Variants in HDGFL3 observed in about 807,000 individuals in gnomAD.
HDGFL3 encodes HDGF like 3, also known as hepatoma-derived growth factor-related protein 3.
In HDGFL3, 6 loss-of-function variants were observed where a neutral mutation model predicts 27.6. The ratio of observed to expected loss-of-function variants is 0.22; its 90% CI spans 0.12 to 0.43. The LOEUF (loss-of-function observed/expected upper bound fraction) is 0.43, where lower values mean the gene tolerates loss of function less well. Among genes scored for constraint, HDGFL3 ranks in the 20% least tolerant of loss-of-function variants. The probability of loss-of-function intolerance (pLI) is 1.00; values close to 1 mark genes in which losing one functional copy is unlikely to be tolerated. For synonymous variants in HDGFL3, 88 were observed against 88.9 expected, an observed-to-expected ratio of 0.99 and a Z score of 0.05; for missense variants, 207 against 250.1, an observed-to-expected ratio of 0.83 and a Z score of 1.16.
At chr15:83,202,635 TATAAA>T (rs2037661739) in intron 1 of HDGFL3, among the ~76,000 whole-genome samples, 1 of 152,148 alleles carries the variant, frequency 6.6e-6, no homozygotes, top group Non-Finnish European at 1.5e-5. Context: ...CCCTAACTCA[TATAAA>T]ATGTGTTTTT....
At chr15:83,155,184 A>G (rs994176435) in intron 4 of HDGFL3, among the ~76,000 whole-genome samples, 1 of 152,244 alleles carries the variant, frequency 6.6e-6, no homozygotes, top group African/African-American at 2.4e-5. Context: ...TTAAATGATC[A>G]TGAAGTTGTA....
intron 5 of HDGFL3, among the ~76,000 whole-genome samples, chr15:83,140,531 G>C (rs1381734263): frequency 6.7e-6 from 1 of 148,780 alleles, no homozygotes; most frequent in Non-Finnish European, 1.5e-5. Flanking sequence ...ACCTAGGCTG[G>C]AGTACAGTGG....
chr15:83,205,044 G>A (rs1028233183), intron 1 of HDGFL3, among the ~76,000 whole-genome samples: 1 of 152,116 alleles, frequency 6.6e-6, no homozygotes, highest in Non-Finnish European at 1.5e-5. Context: ...TGAGTCCTTG[G>A]CGCCCCACAG....
chr15:83,199,163 T>C (rs1262833288), intron 1 of HDGFL3, among the ~76,000 whole-genome samples: 1 of 152,236 alleles, frequency 6.6e-6, no homozygotes, highest in Non-Finnish European at 1.5e-5. Context: ...TTAAATTAGT[T>C]GGTTTCATTT....
exon 4 of HDGFL3, chr15:83,115,035 C>CA (rs970222855): frequency 6.6e-6 from 1 of 152,480 alleles, no homozygotes; most frequent in Non-Finnish European, 1.5e-5. Context: ...TAGGATACGC[C>CA]ATGTGGAATA....
At chr15:83,162,459 A>G (rs1020457570) in intron 2 of HDGFL3, among the ~76,000 whole-genome samples, 1 of 152,204 alleles carries the variant, frequency 6.6e-6, no homozygotes. Context: ...AACCAATGGT[A>G]CAAAAATAAA....
intron 1 of HDGFL3, among the ~76,000 whole-genome samples, chr15:83,198,072 A>AAAAAAAAAAAAAAAAG: frequency 6.6e-6 from 1 of 150,868 alleles, no homozygotes; most frequent in African/African-American, 2.4e-5. Flanking sequence ...AAAAAAAAAA[A>AAAAAAAAAAAAAAAAG]AAGAAGCCAA....
intron 5 of HDGFL3, among the ~76,000 whole-genome samples, chr15:83,140,481 G>GTTTTT (rs11429826): frequency 2.9e-5 from 4 of 135,746 alleles, no homozygotes; most frequent in Admixed American, 7.7e-5. Flanking sequence ...ACCAAAGAAA[G>GTTTTT]TTTTTTTTTT....
At chr15:83,117,978 G>T (rs182364668) in intron 3 of HDGFL3, among the ~76,000 whole-genome samples, 1 of 152,138 alleles carries the variant, frequency 6.6e-6, no homozygotes, top group South Asian at 2.1e-4. Context: ...AAAGTTGATA[G>T]ATTTGCTGAG....
At chr15:83,192,363 G>A (rs1179982980) in intron 1 of HDGFL3, 5 of 447,788 alleles carry the variant, frequency 1.1e-5, no homozygotes, top group Non-Finnish European at 1.8e-5. Flanking sequence ...CTCCTGACAG[G>A]GTTGCTAAAC....
intron 3 of HDGFL3, among the ~76,000 whole-genome samples, chr15:83,118,722 A>G (rs1417456477): frequency 6.6e-6 from 1 of 152,182 alleles, no homozygotes; most frequent in Non-Finnish European, 1.5e-5. Flanking sequence ...TACAGCGTGA[A>G]ACAAGCCAGG....
intron 1 of HDGFL3, chr15:83,179,146 T>C (rs1206683048): frequency 6.6e-6 from 1 of 152,272 alleles, no homozygotes; most frequent in Non-Finnish European, 1.5e-5. Flanking sequence ...CCTTACCCTC[T>C]TGATACTACA....
chr15:83,115,885 C>G (rs769376781), intron 3 of HDGFL3: 8 of 1,614,202 alleles, frequency 5.0e-6, no homozygotes, highest in Non-Finnish European at 6.8e-6. Flanking sequence ...TGAACCTCAT[C>G]ATAGGACTGG....
intron 1 of HDGFL3, among the ~76,000 whole-genome samples, chr15:83,183,672 AGGAGGC>A (rs1200507090): frequency 2.0e-5 from 3 of 151,956 alleles, no homozygotes; most frequent in Non-Finnish European, 2.9e-5. Flanking sequence ...GCTTGAACTC[AGGAGGC>A]GGAGGCGGAG....
At position 83,157,897 on chromosome 15, in the gene HDGFL3, C is replaced by T. The variant is rs1388004910; in HGVS notation, c.300+6G>A. On this transcript the variant is annotated splice_donor_region_variant and intron_variant, in intron 3 of 5. Coordinates refer to ENST00000299633, the MANE Select transcript of HDGFL3 (RefSeq NM_016073.4). ...TATAGCAAGTGACAAGGAAGTAAACCATTACCTGGTAGCCAGTAAACTTTA... is the reference window on the plus strand; with the variant it reads ...TATAGCAAGTGACAAGGAAGTAAACTATTACCTGGTAGCCAGTAAACTTTA... 1.2e-6 allele frequency: 2 copies of T among 1,609,702 alleles called. No individual in the cohort carries two copies. Among genetic ancestry groups the T allele is most frequent in the Admixed American group, 1.7e-5 (1 of 59,678 alleles).
intron 1 of HDGFL3, among the ~76,000 whole-genome samples, chr15:83,187,015 T>A (rs1035215237): frequency 7.9e-5 from 12 of 152,336 alleles, no homozygotes; most frequent in African/African-American, 2.6e-4. Flanking sequence ...GATGAATATA[T>A]CCCAAATTAG....
At chr15:83,160,353 AT>A (rs2037084460) in intron 2 of HDGFL3, among the ~76,000 whole-genome samples, 1 of 151,898 alleles carries the variant, frequency 6.6e-6, no homozygotes. Context: ...TACCCAGTTA[AT>A]TTTTGTATTT....
chr15:83,154,085 C>T (rs990441399), intron 4 of HDGFL3, among the ~76,000 whole-genome samples: 3 of 151,236 alleles, frequency 2.0e-5, no homozygotes, highest in East Asian at 2.0e-4. Flanking sequence ...GAGGTTGAGG[C>T]GGGCAGACTG....
At chr15:83,167,772 C>T (rs2037190952) in intron 1 of HDGFL3, among the ~76,000 whole-genome samples, 1 of 152,180 alleles carries the variant, frequency 6.6e-6, no homozygotes, top group Non-Finnish European at 1.5e-5. Context: ...TTAGATAGAT[C>T]ATCAAGGTAG....
Sources: gnomAD v4.1 joint callset for allele counts (sites outside exome capture counted in the v4.1 genomes callset) on GRCh38, gnomAD v4.1.1 for gene constraint, MANE v1.5 for transcripts, NCBI Gene and HGNC (gene_info 2026-07-23, HGNC 2026-07-21) for gene names.